The following UGGT2 variants were observed in gnomAD, a reference collection of about 807,000 sequenced individuals.
The protein encoded by UGGT2 is UDP-glucose glycoprotein glucosyltransferase 2.
A neutral mutation model predicts 192.1 loss-of-function variants in UGGT2; 180 were observed. That is an observed-to-expected ratio of 0.94 (90% CI 0.83 to 1.06). UGGT2 has a LOEUF of 1.06. Among genes scored for constraint, UGGT2 ranks in the 50% least tolerant of loss-of-function variants. The pLI is 0.00. For missense variants in UGGT2, 1,849 were observed against 1,795.7 expected (o/e 1.03, Z -0.54); for synonymous variants, 580 against 591.0 (o/e 0.98, Z 0.27).
Position 95,877,717 on chromosome 13 carries a change from G to T in UGGT2, c.3368C>A (p.Thr1123Lys). 2 of 1,613,782 alleles carry T rather than the reference G, an allele frequency of 1.2e-6. No homozygotes were observed. Among genetic ancestry groups the T allele is most frequent in the African/African-American group, 2.7e-5 (2 of 75,018 alleles). Residue 1123 changes from threonine to lysine, a missense_variant, in exon 28 of 39, where the codon ACA (threonine) becomes AAA (lysine). Thr to Lys is a moderately conservative substitution (Grantham distance 78). Coordinates refer to ENST00000376747, the MANE Select transcript of UGGT2 (RefSeq NM_020121.4). Reference sequence around the variant, plus strand: ...ACTTACATGATGTGCCATCACTATTGTATCAACCACAGCAGGTTTATTTTT... The same window carrying T: ...ACTTACATGATGTGCCATCACTATTTTATCAACCACAGCAGGTTTATTTTT... ...GTKNKPAVVD[T>K]IVMAHHGYFQ...
intron 36 of UGGT2, among the ~76,000 whole-genome samples, chr13:95,841,122 C>T (rs759093531): frequency 8.5e-5 from 13 of 152,058 alleles, no homozygotes; most frequent in Admixed American, 2.0e-4. Context: ...ACCTAGATGA[C>T]AGGTTGATAG....
chr13:95,881,644 C>T (rs531936854), intron 27 of UGGT2, among the ~76,000 whole-genome samples: 2 of 152,212 alleles, frequency 1.3e-5, no homozygotes, highest in South Asian at 4.1e-4. Flanking sequence ...GGGATTAATG[C>T]ATTTTTCTGT....
intron 4 of UGGT2, among the ~76,000 whole-genome samples, chr13:96,015,540 T>C (rs1010745042): frequency 6.6e-6 from 1 of 152,184 alleles, no homozygotes; most frequent in African/African-American, 2.4e-5. Context: ...AAATTATACC[T>C]ATAGAGGATG....
intron 20 of UGGT2, among the ~76,000 whole-genome samples, chr13:95,917,080 A>G (rs2048703529): frequency 1.3e-5 from 2 of 152,126 alleles, no homozygotes; most frequent in Admixed American, 1.3e-4. Context: ...AAGATCAACC[A>G]CAAGACATAT....
At chr13:95,995,315 G>A (rs2051584119) in intron 7 of UGGT2, 1 of 151,922 alleles carries the variant, frequency 6.6e-6, no homozygotes, top group African/African-American at 2.4e-5. Flanking sequence ...GACTTTCTTG[G>A]AGACAAATTA....
At chr13:95,865,626 T>C (rs1196915163) in intron 30 of UGGT2, among the ~76,000 whole-genome samples, 3 of 152,170 alleles carry the variant, frequency 2.0e-5, no homozygotes, top group African/African-American at 7.2e-5. Flanking sequence ...ATCGGGCCAC[T>C]GAACTCCAGA....
At chr13:95,855,106 TAAAAAAAAAAAAAAA>T (rs10713359) in intron 34 of UGGT2, among the ~76,000 whole-genome samples, 101 of 49,960 alleles carry the variant, frequency 2.0e-3, no homozygotes, top group African/African-American at 7.8e-3. Context: ...ACCCTGTCTG[TAAAAAAAAAAAAAAA>T]AAAAAAAAAA....
At chr13:95,862,817 C>T (rs1235477265) in intron 31 of UGGT2, among the ~76,000 whole-genome samples, 1 of 152,136 alleles carries the variant, frequency 6.6e-6, no homozygotes, top group African/African-American at 2.4e-5. Flanking sequence ...TGGCCAACAC[C>T]AGGTGTACTC....
rs370041064 is a variant in UGGT2 at position 95,942,221 on chromosome 13, G to GGTGTGTGTGT, written c.1678-2140_1678-2131dup. On this transcript the variant is annotated intron_variant, in intron 15 of 38. Coordinates refer to ENST00000376747, the MANE Select transcript of UGGT2 (RefSeq NM_020121.4). ...GTACAAGAGCTTCTCTTAGGGTGAG[G>GGTGTGTGTGT]GTGTGTGTGTGTGTGTGTGTGTGTG... is the stretch of plus-strand genomic sequence containing the variant. Among the ~76,000 whole-genome samples the GGTGTGTGTGT allele has an allele frequency of 7.5e-3, 887 of 117,974 alleles. 5 individuals carry two copies. Among genetic ancestry groups the GGTGTGTGTGT allele is most frequent in the African/African-American group, 0.016 (499 of 31,370 alleles). The allele number at this position is 117,974 out of a possible 152,430, so 77.4% of individuals were successfully genotyped here.
intron 24 of UGGT2, among the ~76,000 whole-genome samples, chr13:95,893,610 T>C (rs1238992755): frequency 6.6e-6 from 1 of 152,176 alleles, no homozygotes; most frequent in South Asian, 2.1e-4. Flanking sequence ...GAAATTTACA[T>C]ATAAATTTAA....
intron 29 of UGGT2, among the ~76,000 whole-genome samples, chr13:95,876,060 A>G (rs1041822662): frequency 8.2e-5 from 11 of 134,170 alleles, no homozygotes; most frequent in Admixed American, 1.4e-4. Context: ...ACACTTTAAA[A>G]TAATTGTTAA....
At chr13:95,843,067 C>G (rs1294666040) in intron 36 of UGGT2, among the ~76,000 whole-genome samples, 1 of 152,198 alleles carries the variant, frequency 6.6e-6, no homozygotes, top group Non-Finnish European at 1.5e-5. Context: ...ATGAATAATG[C>G]TACTATGAGT....
intron 20 of UGGT2, among the ~76,000 whole-genome samples, chr13:95,909,765 A>C (rs111576517): frequency 0.35 from 47,109 of 133,152 alleles, 9,173 homozygotes; most frequent in Non-Finnish European, 0.41. Flanking sequence ...TAATAATAAT[A>C]ATAATAATAA....
At chr13:95,829,504 C>T (rs1249873618) in intron 38 of UGGT2, among the ~76,000 whole-genome samples, 1 of 152,174 alleles carries the variant, frequency 6.6e-6, no homozygotes, top group African/African-American at 2.4e-5. Flanking sequence ...GCAGAAATCA[C>T]AAGCATTCCT....
chr13:95,850,047 C>T (rs558662834), intron 36 of UGGT2, among the ~76,000 whole-genome samples: 1 of 151,498 alleles, frequency 6.6e-6, no homozygotes, highest in African/African-American at 2.4e-5. Flanking sequence ...ATTGCATTAG[C>T]CAAGACCTTA....
chr13:95,879,452 T>C (rs113984452), intron 27 of UGGT2, among the ~76,000 whole-genome samples: 4,691 of 152,310 alleles, frequency 0.031, 239 homozygotes, highest in African/African-American at 0.11. Flanking sequence ...GTTTGTTTGT[T>C]TGAGACAGGG....
chr13:95,848,773 A>G (rs896522557), intron 36 of UGGT2, among the ~76,000 whole-genome samples: 1 of 152,152 alleles, frequency 6.6e-6, no homozygotes, highest in Admixed American at 6.5e-5. Context: ...CCTTTTCTAT[A>G]TAAACTTTAA....
intron 11 of UGGT2, among the ~76,000 whole-genome samples, chr13:95,970,784 C>T (rs1313406044): frequency 6.6e-6 from 1 of 151,904 alleles, no homozygotes; most frequent in East Asian, 1.9e-4. Context: ...CAACAATAAC[C>T]CCATTGACAA....
intron 38 of UGGT2, among the ~76,000 whole-genome samples, chr13:95,802,340 TC>T (rs1378703267): frequency 6.6e-6 from 1 of 152,202 alleles, no homozygotes; most frequent in African/African-American, 2.4e-5. Context: ...CACTGAGCTG[TC>T]ACATACCAAC....
Sources: allele counts gnomAD v4.1 joint callset (sites outside exome capture counted in the v4.1 genomes callset), GRCh38; gene constraint gnomAD v4.1.1; transcripts MANE v1.5; gene names NCBI Gene and HGNC (gene_info 2026-07-23, HGNC 2026-07-21).